Variants in ZFAND3 observed in about 807,000 individuals in gnomAD.
The protein encoded by ZFAND3 is AN1-type zinc finger protein 3.
ZFAND3 carries 10 observed loss-of-function variants against 29.6 expected under a neutral mutation model. The ratio of observed to expected loss-of-function variants is 0.34; its 90% CI spans 0.21 to 0.57. The LOEUF (loss-of-function observed/expected upper bound fraction) is 0.57. Ranked by LOEUF, ZFAND3 falls within the 20% of genes least tolerant of loss-of-function variation. The pLI, the probability that ZFAND3 is intolerant of heterozygous loss-of-function variation, is 0.86. For missense variants in ZFAND3, 230 were observed against 304.5 expected (o/e 0.76, Z 1.82); for synonymous variants, 128 against 112.6 (o/e 1.14, Z -0.87).
intron 1 of ZFAND3, among the ~76,000 whole-genome samples, chr6:37,864,289 G>T (rs977156279): frequency 1.1e-4 from 16 of 152,002 alleles, no homozygotes; most frequent in Non-Finnish European, 2.1e-4. Context: ...GACCAGTTAA[G>T]ATTAGTGACA....
At chr6:37,991,270 A>G (rs191777786) in intron 2 of ZFAND3, among the ~76,000 whole-genome samples, 7 of 151,854 alleles carry the variant, frequency 4.6e-5, no homozygotes, top group African/African-American at 1.2e-4. Context: ...GTGAAGGAGG[A>G]TCCCCTTAGG....
chr6:38,153,590 G>T lies in ZFAND3; in HGVS notation c.*1201G>T. On this transcript the variant is annotated 3_prime_UTR_variant, in exon 6 of 6. Coordinates refer to ENST00000287218, the MANE Select transcript of ZFAND3 (RefSeq NM_021943.3). ...GTGATATTTGCTCTGGTAGGTGAGGGCCTGAGGGTACATTTCTCCACCTGT... is the reference window on the plus strand; with the variant it reads ...GTGATATTTGCTCTGGTAGGTGAGGTCCTGAGGGTACATTTCTCCACCTGT... The T allele has an allele frequency of 1.0e-6, 1 of 985,534 alleles. No homozygotes were observed. The highest frequency in any genetic ancestry group is 1.2e-6 in the Non-Finnish European group (1 of 830,016). 61.0% of individuals were successfully genotyped at this position (985,534 alleles called of 1,614,324 possible).
At chr6:38,075,439 A>C (rs186055301) in intron 3 of ZFAND3, among the ~76,000 whole-genome samples, 35 of 152,336 alleles carry the variant, frequency 2.3e-4, no homozygotes, top group Admixed American at 8.5e-4. Flanking sequence ...TAGAATTAGA[A>C]GTGGAGCCTG....
chr6:38,091,691 CTT>C (rs34406765), intron 4 of ZFAND3, among the ~76,000 whole-genome samples: 74 of 129,730 alleles, frequency 5.7e-4, no homozygotes, highest in Admixed American at 8.8e-4. Flanking sequence ...ATTAAGGAGC[CTT>C]TTTTTTTTTT....
At chr6:38,127,898 G>GT (rs1765665258) in intron 5 of ZFAND3, among the ~76,000 whole-genome samples, 3 of 152,150 alleles carry the variant, frequency 2.0e-5, no homozygotes, top group Non-Finnish European at 4.4e-5. Flanking sequence ...CACACTCACT[G>GT]TACCTCCCTG....
At chr6:37,973,919 T>C (rs1190102251) in intron 2 of ZFAND3, among the ~76,000 whole-genome samples, 1 of 152,238 alleles carries the variant, frequency 6.6e-6, no homozygotes, top group Non-Finnish European at 1.5e-5. Flanking sequence ...GTAGGTTTGA[T>C]TAGTTCTCTA....
chr6:37,899,810 G>A (rs1049660413), intron 1 of ZFAND3, among the ~76,000 whole-genome samples: 2 of 152,064 alleles, frequency 1.3e-5, no homozygotes, highest in Non-Finnish European at 2.9e-5. Flanking sequence ...TTTTACTTCC[G>A]TTCACAGTTC....
chr6:37,914,682 T>TTTTTTTTTTTTTTTTTTTTTCTA (rs56246279), intron 1 of ZFAND3, among the ~76,000 whole-genome samples: 1 of 147,800 alleles, frequency 6.8e-6, no homozygotes, highest in Non-Finnish European at 1.5e-5. Flanking sequence ...CTTTTTTTTT[T>TTTTTTTTTTTTTTTTTTTTTCTA]AGTGGAGACG....
chr6:38,144,171 G>GATATATATATATAATATATATATATAT (rs1467661666), intron 5 of ZFAND3, among the ~76,000 whole-genome samples: 4 of 87,340 alleles, frequency 4.6e-5, no homozygotes, highest in East Asian at 4.7e-4. Context: ...AGAAAAATGT[G>GATATATATATATAATATATATATATAT]ATATATATAT....
At chr6:38,147,238 G>A in intron 5 of ZFAND3, among the ~76,000 whole-genome samples, 1 of 152,188 alleles carries the variant, frequency 6.6e-6, no homozygotes, top group Admixed American at 6.5e-5. Flanking sequence ...GTGAGAACAT[G>A]GGATATTTGC....
chr6:38,028,565 C>G (rs190063482), intron 2 of ZFAND3, among the ~76,000 whole-genome samples: 84 of 152,228 alleles, frequency 5.5e-4, no homozygotes, highest in African/African-American at 1.8e-3. Flanking sequence ...TCTCAGGCAA[C>G]TGCTGATCTG....
chr6:37,910,842 C>T (rs927288080), intron 1 of ZFAND3, among the ~76,000 whole-genome samples: 3 of 152,172 alleles, frequency 2.0e-5, no homozygotes, highest in Admixed American at 2.0e-4. Flanking sequence ...ATGATGTCCT[C>T]CAGGTTCATC....
intron 1 of ZFAND3, among the ~76,000 whole-genome samples, chr6:37,849,598 C>T (rs755694213): frequency 1.4e-4 from 21 of 151,958 alleles, no homozygotes; most frequent in Non-Finnish European, 2.4e-4. Context: ...TTAGTAGAGA[C>T]GGGGTTTCAC....
intron 1 of ZFAND3, among the ~76,000 whole-genome samples, chr6:37,913,705 A>ATTTTTTTTTTTTT (rs1581756231): frequency 3.6e-5 from 4 of 111,640 alleles, no homozygotes; most frequent in Non-Finnish European, 5.9e-5. Flanking sequence ...TGGCAGCTAT[A>ATTTTTTTTTTTTT]TTCTTTTTTT....
chr6:37,987,996 A>G (rs1762698798), intron 2 of ZFAND3, among the ~76,000 whole-genome samples: 1 of 152,244 alleles, frequency 6.6e-6, no homozygotes, highest in Non-Finnish European at 1.5e-5. Context: ...TTACTTGCAT[A>G]TTCTTACTCT....
At chr6:37,956,345 T>A (rs1272601038) in intron 2 of ZFAND3, among the ~76,000 whole-genome samples, 1 of 152,206 alleles carries the variant, frequency 6.6e-6, no homozygotes, top group African/African-American at 2.4e-5. Flanking sequence ...TCCCAGGTGC[T>A]GCAGTGGTCT....
intron 5 of ZFAND3, among the ~76,000 whole-genome samples, chr6:38,124,344 G>A (rs1765590121): frequency 6.6e-6 from 1 of 152,222 alleles, no homozygotes. Flanking sequence ...TCAGCCCTTG[G>A]GCAGTTGATG....
In ZFAND3 at chr6:38,077,216, A is replaced by T. The variant is rs187203349; in HGVS notation, c.296-5176A>T. Among the ~76,000 whole-genome samples, 79 of 152,008 alleles carry T rather than the reference A, an allele frequency of 5.2e-4. 2 individuals carry two copies. In the East Asian group the frequency reaches 0.012, roughly 23 times the overall value. ...AGGCTTAGGAGGAAAAAAAAAAGAT[A>T]TTCTGAATCTCTACAGAAGGGAGAG... On this transcript the variant is annotated intron_variant, in intron 3 of 5. Coordinates refer to ENST00000287218, the MANE Select transcript of ZFAND3 (RefSeq NM_021943.3).
At chr6:37,977,829 T>TTCCTTCCTTCCTTCCTTCCTTCC (rs1193734327) in intron 2 of ZFAND3, among the ~76,000 whole-genome samples, 7 of 21,002 alleles carry the variant, frequency 3.3e-4, no homozygotes, top group Non-Finnish European at 7.3e-4. Context: ...TAAAATGCTT[T>TTCCTTCCTTCCTTCCTTCCTTCC]TCCTTCCTTC....
Sources: allele counts gnomAD v4.1 joint callset (sites outside exome capture counted in the v4.1 genomes callset), GRCh38; gene constraint gnomAD v4.1.1; transcripts MANE v1.5; gene names NCBI Gene and HGNC (gene_info 2026-07-23, HGNC 2026-07-21).